MRPS9: variants seen among roughly 807,000 people sequenced by gnomAD.
MRPS9 encodes the protein mitochondrial ribosomal protein S9.
A neutral mutation model predicts 59.9 loss-of-function variants in MRPS9; 45 were observed. That is an observed-to-expected ratio of 0.75 (90% CI 0.59 to 0.96). The LOEUF (loss-of-function observed/expected upper bound fraction) is 0.96. Among genes scored for constraint, MRPS9 ranks in the 40% least tolerant of loss-of-function variants. The pLI, the probability that MRPS9 is intolerant of heterozygous loss-of-function variation, is 0.00. For missense variants in MRPS9, 473 were observed against 481.1 expected, an observed-to-expected ratio of 0.98 and a Z score of 0.16; for synonymous variants, 171 against 166.8, an observed-to-expected ratio of 1.03 and a Z score of -0.19.
At chr2:105,061,081 G>C (rs1679891432) in intron 2 of MRPS9, among the ~76,000 whole-genome samples, 1 of 125,964 alleles carries the variant, frequency 7.9e-6, no homozygotes, top group Admixed American at 9.7e-5. Flanking sequence ...CTGCACTCCA[G>C]CCTGGGCGAC....
intron 2 of MRPS9, among the ~76,000 whole-genome samples, chr2:105,069,697 G>A (rs2104453580): frequency 6.6e-6 from 1 of 152,146 alleles, no homozygotes; most frequent in East Asian, 1.9e-4. Context: ...TTGGATTTTG[G>A]TTGTATCTTT....
intron 1 of MRPS9, among the ~76,000 whole-genome samples, chr2:105,048,570 C>G (rs920353307): frequency 6.6e-6 from 1 of 151,786 alleles, no homozygotes; most frequent in Non-Finnish European, 1.5e-5. Flanking sequence ...CATGTTGAGC[C>G]AAATTAATAA....
chr2:105,095,269 G>A (rs1006330237), intron 9 of MRPS9, among the ~76,000 whole-genome samples: 2 of 152,054 alleles, frequency 1.3e-5, no homozygotes, highest in Non-Finnish European at 2.9e-5. Context: ...TTACAAGGGA[G>A]GCTTCTGGAC....
chr2:105,062,266 A>C (rs1412183641), intron 2 of MRPS9, among the ~76,000 whole-genome samples: 2 of 152,204 alleles, frequency 1.3e-5, no homozygotes, highest in Admixed American at 6.5e-5. Flanking sequence ...ATCTAAACCC[A>C]GTTCTCTTAC....
rs374564898 is a variant in MRPS9, at chr2:105,040,889, G to A, written c.135+2662G>A. On this transcript the variant is annotated intron_variant, in intron 1 of 10. Transcript: ENST00000258455. ...TTCCCAGAGGAGGCAAAGGAAAATA[G>A]CGTCTTTAGCAGCAAATAGGAGTTA... 2.4e-4 allele frequency among the ~76,000 whole-genome samples: 37 copies of A among 152,302 alleles called. 1 individual carries two copies. The highest frequency in any genetic ancestry group is 4.9e-4 in the Non-Finnish European group (33 of 68,026).
At chr2:105,043,403 G>A (rs1679535936) in intron 1 of MRPS9, among the ~76,000 whole-genome samples, 1 of 152,098 alleles carries the variant, frequency 6.6e-6, no homozygotes, top group Non-Finnish European at 1.5e-5. Flanking sequence ...TAGTTGAGAA[G>A]ACCTAGCTAT....
intron 4 of MRPS9, among the ~76,000 whole-genome samples, chr2:105,074,550 T>G (rs1003005783): frequency 1.2e-4 from 18 of 152,222 alleles, no homozygotes; most frequent in Non-Finnish European, 2.2e-4. Flanking sequence ...GCTTCCTGTG[T>G]GTTAACTTAC....
At chr2:105,055,779 A>G (rs992439228) in intron 2 of MRPS9, among the ~76,000 whole-genome samples, 1 of 152,220 alleles carries the variant, frequency 6.6e-6, no homozygotes, top group Non-Finnish European at 1.5e-5. Flanking sequence ...TCAGCAGTAT[A>G]TATCAACTGA....
At chr2:105,065,162 A>T (rs1679977235) in intron 2 of MRPS9, among the ~76,000 whole-genome samples, 1 of 152,204 alleles carries the variant, frequency 6.6e-6, no homozygotes, top group Non-Finnish European at 1.5e-5. Context: ...ATTTAGGTAA[A>T]TAATCTATTT....
At chr2:105,074,095 A>G (rs78418736) in intron 4 of MRPS9, among the ~76,000 whole-genome samples, 2,100 of 152,322 alleles carry the variant, frequency 0.014, 50 homozygotes, top group African/African-American at 0.048. Flanking sequence ...GAGAAAATCA[A>G]AATTGAGGTT....
rs191985189 is a variant in MRPS9 at position 105,080,165 on chromosome 2, T to C, written c.489+103T>C. ...TCAGAATTTACCTAGTATTTTATAA[T>C]TGACAAAAATAAGACTTCTAGAGGT... is the stretch of plus-strand genomic sequence containing the variant. On this transcript the variant is annotated intron_variant, in intron 5 of 10. Transcript: ENST00000258455. 40 of 697,272 alleles carry C rather than the reference T, an allele frequency of 5.7e-5. No individual in the cohort carries two copies. The East Asian group carries it at 1.1e-3, about 18-fold the overall frequency. The allele number at this position is 697,272 out of a possible 1,614,324, so 43.2% of individuals were successfully genotyped here. A position where few individuals can be genotyped will look rare whatever the true frequency, so the allele number is the denominator to read the frequency against.
chr2:105,046,315 G>A (rs187859616), intron 1 of MRPS9, among the ~76,000 whole-genome samples: 1 of 152,120 alleles, frequency 6.6e-6, no homozygotes, highest in East Asian at 1.9e-4. Flanking sequence ...AAAATAGAGG[G>A]TGTAAGACAT....
intron 5 of MRPS9, among the ~76,000 whole-genome samples, chr2:105,081,227 C>A (rs892369876): frequency 6.6e-6 from 1 of 152,206 alleles, no homozygotes; most frequent in Non-Finnish European, 1.5e-5. Context: ...ATGGTGCAGA[C>A]GCAAATTTTC....
At chr2:105,089,103 A>G (rs750918170) in intron 6 of MRPS9, 34 bp downstream of exon 6, 8 of 1,524,050 alleles carry the variant, frequency 5.2e-6, no homozygotes, top group Non-Finnish European at 7.2e-6. Context: ...ATATAAGTAA[A>G]ATTTGAACTA....
intron 7 of MRPS9, among the ~76,000 whole-genome samples, chr2:105,090,948 G>A (rs982830650): frequency 1.3e-5 from 2 of 152,110 alleles, no homozygotes; most frequent in African/African-American, 4.8e-5. Context: ...TTGGTTAGTG[G>A]TAGATCCAGA....
chr2:105,048,742 C>T (rs532813319), intron 1 of MRPS9, among the ~76,000 whole-genome samples: 1 of 151,952 alleles, frequency 6.6e-6, no homozygotes, highest in South Asian at 2.1e-4. Context: ...TTCCTCAGGC[C>T]ATGCCGTTTG....
intron 2 of MRPS9, among the ~76,000 whole-genome samples, chr2:105,053,522 A>G (rs1679747408): frequency 6.6e-6 from 1 of 152,072 alleles, no homozygotes; most frequent in Admixed American, 6.6e-5. Context: ...CAACCCTTTC[A>G]TATATTAAAA....
intron 4 of MRPS9, 47 bp from the exon 5 acceptor site, chr2:105,079,936 T>C (rs1680295039): frequency 7.1e-7 from 1 of 1,415,768 alleles, no homozygotes; most frequent in Non-Finnish European, 1.0e-6. Flanking sequence ...ATTTGGTCTG[T>C]CTCTGTGTAT....
chr2:105,090,048 C>A, intron 7 of MRPS9, 53 bp downstream of exon 7: 1 of 1,006,996 alleles, frequency 9.9e-7, no homozygotes, highest in Non-Finnish European at 1.5e-6. Context: ...AGAATACAGA[C>A]AATTGCTGTA....
Sources: gnomAD v4.1 joint callset for allele counts (sites outside exome capture counted in the v4.1 genomes callset) on GRCh38, gnomAD v4.1.1 for gene constraint, MANE v1.5 for transcripts, NCBI Gene and HGNC (gene_info 2026-07-23, HGNC 2026-07-21) for gene names.